The following GLS variants were observed in gnomAD, a reference collection of about 807,000 sequenced individuals.
GLS encodes glutaminase.
A neutral mutation model predicts 86.7 loss-of-function variants in GLS; 36 were observed. The observed-to-expected ratio is 0.42, with a 90% CI of 0.32 to 0.55. The LOEUF is 0.55. GLS is among the 20% of genes least tolerant of loss of function. The pLI, the probability that GLS is intolerant of heterozygous loss-of-function variation, is 0.17. For synonymous variants in GLS, 317 were observed against 305.9 expected (o/e 1.04, Z -0.38); for missense variants, 528 against 833.4 (o/e 0.63, Z 4.51).
In GLS at chr2:190,924,968, T is replaced by C. The variant is rs1337205980; in HGVS notation, c.1248+375T>C. Among the ~76,000 whole-genome samples, 1 of 152,202 alleles carries C rather than the reference T, an allele frequency of 6.6e-6. No individual in the cohort carries two copies. Among genetic ancestry groups the C allele is most frequent in the Non-Finnish European group, 1.5e-5 (1 of 68,040 alleles). ...GCAAAATATAGATGTCTCAGAAATC[T>C]TGGTTCTAGGCCATGAGAAAATACA... On this transcript the variant is annotated intron_variant, in intron 11 of 17. Transcript: ENST00000320717. This position sits in a 1 kb window ranked among gnomAD's most constrained non-coding sequence, Gnocchi z 5.2.
Position 190,880,947 on chromosome 2 carries a change from C to T in GLS, c.-138C>T, listed in dbSNP as rs1198488354. ...CCGCATCCGCTGCGGGAGTCCGAGC[C>T]GGAACCACACCCAAGTAGCTGCCCT... On this transcript the variant is annotated 5_prime_UTR_variant, in exon 1 of 18. Transcript: ENST00000320717. The T allele has an allele frequency of 1.8e-6, 2 of 1,082,056 alleles. No homozygotes were observed. The highest frequency in any genetic ancestry group is 2.7e-6 in the Non-Finnish European group (2 of 744,798). The allele number at this position is 1,082,056 out of a possible 1,614,324, so 67.0% of individuals were successfully genotyped here.
At position 190,895,023 on chromosome 2, in the gene GLS, A is replaced by G. The variant is rs1574566212; in HGVS notation, c.387-129A>G. ...TGATTTTGGTAAATCAACATTTATT[A>G]TGACTGTAGTCTTGAGTATATGAGC... On this transcript the variant is annotated intron_variant, in intron 1 of 17. Transcript: ENST00000320717. The surrounding 1 kb of genome is among the most constrained non-coding windows in gnomAD (Gnocchi z 4.2). 2 of 484,830 alleles carry G rather than the reference A, an allele frequency of 4.1e-6. No homozygotes were observed. The highest frequency in any genetic ancestry group is 5.9e-5 in the East Asian group (2 of 33,742). 30.0% of individuals were successfully genotyped at this position (484,830 alleles called of 1,614,324 possible).
intron 9 of GLS, among the ~76,000 whole-genome samples, chr2:190,922,494 C>T (rs1689771516): frequency 6.6e-6 from 1 of 152,046 alleles, no homozygotes; most frequent in Non-Finnish European, 1.5e-5. Context: ...CATATTTTAT[C>T]AAACTTATTA....
intron 1 of GLS, among the ~76,000 whole-genome samples, chr2:190,892,283 T>C (rs1688592163): frequency 6.6e-6 from 1 of 152,136 alleles, no homozygotes; most frequent in Non-Finnish European, 1.5e-5. Flanking sequence ...AGAGAGACAG[T>C]ATAAGTTGGA....
intron 1 of GLS, among the ~76,000 whole-genome samples, chr2:190,884,677 TA>T (rs1490963457): frequency 3.3e-5 from 5 of 152,196 alleles, no homozygotes; most frequent in Non-Finnish European, 7.3e-5. Flanking sequence ...TTTGGACATT[TA>T]TTTTTTAATG....
intron 7 of GLS, among the ~76,000 whole-genome samples, chr2:190,912,824 A>C (rs116092974): frequency 1.7e-3 from 265 of 152,320 alleles, no homozygotes; most frequent in African/African-American, 6.3e-3. Flanking sequence ...CCTTAATTTG[A>C]ACTGGTTCAA....
chr2:190,937,315 T>C (rs2124926981), intron 14 of GLS, among the ~76,000 whole-genome samples: 1 of 151,378 alleles, frequency 6.6e-6, no homozygotes, highest in East Asian at 1.9e-4. Flanking sequence ...GAAGTTCTTT[T>C]ATTTTATACC....
chr2:190,958,410 T>C (rs1690913564), intron 17 of GLS, among the ~76,000 whole-genome samples: 1 of 152,198 alleles, frequency 6.6e-6, no homozygotes, highest in African/African-American at 2.4e-5. Flanking sequence ...AGGTTTTTCA[T>C]GTCTCTGTCT....
At chr2:190,893,834 C>A (rs1325564158) in intron 1 of GLS, among the ~76,000 whole-genome samples, 5 of 152,182 alleles carry the variant, frequency 3.3e-5, no homozygotes, top group African/African-American at 1.2e-4. Flanking sequence ...ATCCTCCTGC[C>A]TCAGCCTCCC....
intron 6 of GLS, among the ~76,000 whole-genome samples, chr2:190,906,999 G>A (rs1464656217): frequency 2.0e-5 from 3 of 149,626 alleles, no homozygotes; most frequent in Non-Finnish European, 3.0e-5. Context: ...GCATGATCTC[G>A]GCTTACTGCA....
chr2:190,896,255 T>A (rs1444304809), intron 3 of GLS: 1 of 152,236 alleles, frequency 6.6e-6, no homozygotes, highest in Non-Finnish European at 1.5e-5. Context: ...AAAGGCAACT[T>A]TGGCGATTAA....
chr2:190,898,609 C>A (rs1688829112), intron 3 of GLS, among the ~76,000 whole-genome samples: 2 of 152,182 alleles, frequency 1.3e-5, no homozygotes, highest in African/African-American at 4.8e-5. Context: ...TAAAGTTTCA[C>A]TGAGTGTATA....
At chr2:190,900,050 CAT>C (rs1173491552) in intron 3 of GLS, among the ~76,000 whole-genome samples, 7 of 152,032 alleles carry the variant, frequency 4.6e-5, no homozygotes, top group African/African-American at 1.2e-4. Context: ...TCATTTAAGA[CAT>C]AAATTAATCT....
chr2:190,908,745 G>T (rs762505888), intron 6 of GLS, among the ~76,000 whole-genome samples: 1 of 152,198 alleles, frequency 6.6e-6, no homozygotes, highest in East Asian at 1.9e-4. Context: ...CTCTCTGGCG[G>T]GTTTCCGGAT....
intron 17 of GLS, among the ~76,000 whole-genome samples, chr2:190,960,682 C>G (rs1690980525): frequency 6.6e-6 from 1 of 151,940 alleles, no homozygotes. Context: ...GGCCAACTAT[C>G]TTTTTTAAAA....
intron 14 of GLS, among the ~76,000 whole-genome samples, chr2:190,931,955 G>T (rs1690117469): frequency 6.6e-6 from 1 of 151,786 alleles, no homozygotes; most frequent in Non-Finnish European, 1.5e-5. Flanking sequence ...AATTGATTCT[G>T]TTAAAAAAAG....
At chr2:190,925,426 C>T (rs1372059268) in intron 11 of GLS, among the ~76,000 whole-genome samples, 4 of 152,060 alleles carry the variant, frequency 2.6e-5, no homozygotes, top group Non-Finnish European at 4.4e-5. Flanking sequence ...CGAGAGGGAC[C>T]GTGTTACGCA....
intron 4 of GLS, among the ~76,000 whole-genome samples, chr2:190,901,640 T>TAA (rs879271802): frequency 2.1e-5 from 3 of 141,326 alleles, no homozygotes; most frequent in African/African-American, 2.6e-5. Flanking sequence ...TTTTCCTGCT[T>TAA]AAAAAAAAAA....
intron 7 of GLS, among the ~76,000 whole-genome samples, chr2:190,911,270 C>A (rs1381210021): frequency 6.6e-6 from 1 of 151,930 alleles, no homozygotes; most frequent in Non-Finnish European, 1.5e-5. Flanking sequence ...TGGCCCAGTT[C>A]ACAAAATTTC....
Sources: gnomAD v4.1 joint callset for allele counts (sites outside exome capture counted in the v4.1 genomes callset) on GRCh38, gnomAD v4.1.1 for gene constraint, Gnocchi (gnomAD v3.1) non-coding constraint, MANE v1.5 for transcripts, NCBI Gene and HGNC (gene_info 2026-07-23, HGNC 2026-07-21) for gene names.